YWHAQ: variants seen among roughly 807,000 people sequenced by gnomAD.
YWHAQ encodes the protein tyrosine 3-monooxygenase/tryptophan 5-monooxygenase activation protein theta.
A neutral mutation model predicts 28.3 loss-of-function variants in YWHAQ; 6 were observed. The ratio of observed to expected loss-of-function variants is 0.21; its 90% confidence interval spans 0.12 to 0.42. The LOEUF (loss-of-function observed/expected upper bound fraction) is 0.42, where lower values mean the gene tolerates loss of function less well. Ranked by LOEUF, YWHAQ falls within the 10% of genes least tolerant of loss-of-function variation. The pLI is 1.00. For missense variants in YWHAQ, 201 were observed against 305.6 expected (o/e 0.66, Z 2.55); for synonymous variants, 143 against 119.1 (o/e 1.20, Z -1.31).
At position 9,630,071 on chromosome 2, in the gene YWHAQ, C is replaced by T. The variant is rs904367772; in HGVS notation, c.294+88G>A. ...CCCCAGCAGACAGTCCGGCAAGCCC[C>T]GGCTCACGTTTGTTTCCGTGCCCGC... On this transcript the variant is annotated intron_variant, in intron 2 of 5. Transcript: ENST00000238081. The surrounding 1 kb of genome is among the most constrained non-coding windows in gnomAD (Gnocchi z 5.6). The T allele has an allele frequency of 8.5e-6, 13 of 1,526,264 alleles. No individual in the cohort carries two copies. The East Asian group carries it at 2.9e-4, about 35-fold the overall frequency. 94.5% of individuals were successfully genotyped at this position (1,526,264 alleles called of 1,614,324 possible).
At chr2:9,613,095 G>C (rs530786508) in intron 2 of YWHAQ, among the ~76,000 whole-genome samples, 1 of 152,266 alleles carries the variant, frequency 6.6e-6, no homozygotes, top group Non-Finnish European at 1.5e-5. Context: ...TACTCGTCTA[G>C]CACCCTACTA....
intron 2 of YWHAQ, among the ~76,000 whole-genome samples, chr2:9,619,409 A>G (rs954263417): frequency 1.3e-5 from 2 of 152,200 alleles, no homozygotes; most frequent in African/African-American, 4.8e-5. Context: ...AAACCCTAAC[A>G]ATAAATACAG....
Position 9,584,728 on chromosome 2 carries a change from G to T in YWHAQ, c.*558C>A, listed in dbSNP as rs1024091993. 3 of 152,792 alleles carry T rather than the reference G, an allele frequency of 2.0e-5. No individual in the cohort carries two copies. The highest frequency in any genetic ancestry group is 1.3e-4 in the Admixed American group (2 of 15,302). 9.5% of individuals were successfully genotyped at this position (152,792 alleles called of 1,614,324 possible). A position where few individuals can be genotyped will look rare whatever the true frequency, so the allele number is the denominator to read the frequency against. On this transcript the variant is annotated 3_prime_UTR_variant, in exon 6 of 6. Transcript: ENST00000238081. ...ACAGATACACAAGACCTCCGTATGT[G>T]ATACAGGAGCCATTTCAATTTGTGA...
intron 2 of YWHAQ, among the ~76,000 whole-genome samples, chr2:9,594,495 G>C (rs1393618697): frequency 6.6e-6 from 1 of 152,086 alleles, no homozygotes; most frequent in Non-Finnish European, 1.5e-5. Flanking sequence ...TAAATGAGTG[G>C]ATTCTGAGAA....
chr2:9,624,441 T>C (rs1476433111), intron 2 of YWHAQ, among the ~76,000 whole-genome samples: 1 of 152,036 alleles, frequency 6.6e-6, no homozygotes, highest in Non-Finnish European at 1.5e-5. Context: ...AAGGACAGCA[T>C]GACACAATCC....
chr2:9,599,591 A>C (rs1030678347), intron 2 of YWHAQ, among the ~76,000 whole-genome samples: 10 of 152,214 alleles, frequency 6.6e-5, no homozygotes, highest in Non-Finnish European at 1.3e-4. Flanking sequence ...TACAAATGGA[A>C]CAACCAACCA....
intron 2 of YWHAQ, among the ~76,000 whole-genome samples, chr2:9,629,485 C>T (rs372515566): frequency 3.6e-4 from 55 of 152,316 alleles, no homozygotes; most frequent in African/African-American, 1.3e-3. Flanking sequence ...CTTGTCTGCT[C>T]CACACTGGAA....
chr2:9,599,663 G>A (rs1477161090), intron 2 of YWHAQ, among the ~76,000 whole-genome samples: 1 of 152,120 alleles, frequency 6.6e-6, no homozygotes, highest in Non-Finnish European at 1.5e-5. Context: ...CCATTGTTGA[G>A]ACCTACTGCT....
intron 2 of YWHAQ, among the ~76,000 whole-genome samples, chr2:9,614,376 C>T (rs1201345517): frequency 6.6e-6 from 1 of 152,212 alleles, no homozygotes; most frequent in Non-Finnish European, 1.5e-5. Flanking sequence ...AATTTACTAG[C>T]ATCCACAAGC....
Position 9,630,546 on chromosome 2 carries a change from C to G in YWHAQ, c.-82-12G>C, listed in dbSNP as rs1441919378. 1 of 1,279,734 alleles carries G rather than the reference C, an allele frequency of 7.8e-7. No individual in the cohort carries two copies. Among genetic ancestry groups the G allele is most frequent in the Non-Finnish European group, 1.0e-6 (1 of 959,092 alleles). 79.3% of individuals were successfully genotyped at this position (1,279,734 alleles called of 1,614,324 possible). On this transcript the variant is annotated splice_polypyrimidine_tract_variant and intron_variant, in intron 1 of 5. Transcript: ENST00000238081. The surrounding 1 kb of genome is among the most constrained non-coding windows in gnomAD (Gnocchi z 5.6). Reference sequence around the variant, plus strand: ...AGGAGCCTCGAGAGCTGCGGAGGGGCGGGGCGGCGAGGCGAGAACAAAAAG... The same window carrying G: ...AGGAGCCTCGAGAGCTGCGGAGGGGGGGGGCGGCGAGGCGAGAACAAAAAG...
chr2:9,588,970 A>ATCTT lies in YWHAQ; in HGVS notation c.419-643_419-642insAAGA, dbSNP rs1553372129. Among the ~76,000 whole-genome samples the ATCTT allele has an allele frequency of 2.0e-4, 31 of 152,094 alleles. 1 individual carries two copies. Among genetic ancestry groups the ATCTT allele is most frequent in the Admixed American group, 3.9e-4 (6 of 15,280 alleles). On this transcript the variant is annotated intron_variant, in intron 3 of 5. Transcript: ENST00000238081. ...TCTCTACAAAAAATAATAATAATAA[A>ATCTT]AAATAGCTAGGCATGGTAGTGCGTG...
intron 3 of YWHAQ, among the ~76,000 whole-genome samples, chr2:9,589,603 T>C (rs1666417817): frequency 6.6e-6 from 1 of 152,102 alleles, no homozygotes. Flanking sequence ...ATAATAATAA[T>C]AATTTGACTG....
At chr2:9,619,953 A>G (rs560251008) in intron 2 of YWHAQ, among the ~76,000 whole-genome samples, 1 of 152,254 alleles carries the variant, frequency 6.6e-6, no homozygotes, top group Non-Finnish European at 1.5e-5. Flanking sequence ...GGAATGTACA[A>G]AACAAGAGGG....
chr2:9,617,523 C>T (rs528153268), intron 2 of YWHAQ, among the ~76,000 whole-genome samples: 3 of 152,024 alleles, frequency 2.0e-5, no homozygotes, highest in African/African-American at 7.3e-5. Context: ...GAGTTGCAGA[C>T]GATGGTTGCT....
chr2:9,607,426 C>A (rs529141341), intron 2 of YWHAQ, among the ~76,000 whole-genome samples: 2 of 150,078 alleles, frequency 1.3e-5, no homozygotes, highest in Non-Finnish European at 3.0e-5. Context: ...CTAGGCTAAT[C>A]TCGAACTCCT....
chr2:9,614,670 T>C (rs1049662846), intron 2 of YWHAQ, among the ~76,000 whole-genome samples: 5 of 152,240 alleles, frequency 3.3e-5, no homozygotes, highest in African/African-American at 7.2e-5. Context: ...AAATGGTTTA[T>C]ACTAGCAAGG....
chr2:9,624,576 G>A (rs1667211219), intron 2 of YWHAQ, among the ~76,000 whole-genome samples: 1 of 152,098 alleles, frequency 6.6e-6, no homozygotes, highest in South Asian at 2.1e-4. Context: ...ATGATGTTTA[G>A]TAGCATTCAG....
At chr2:9,617,361 A>G (rs1202169693) in intron 2 of YWHAQ, among the ~76,000 whole-genome samples, 1 of 152,226 alleles carries the variant, frequency 6.6e-6, no homozygotes, top group African/African-American at 2.4e-5. Context: ...GCAAAATGAA[A>G]TAAGCTAGAC....
chr2:9,630,310 T>C lies in YWHAQ; in HGVS notation c.143A>G (p.Tyr48Cys), dbSNP rs1667337478. Reference protein sequence around the residue: ...NEERNLLSVAYKNVVGGRRSA... With the variant: ...NEERNLLSVACKNVVGGRRSA... ...CCTGCGGCCCCCGACCACGTTCTTG[T>C]AGGCCACGGAGAGCAGGTTGCGCTC... Residue 48 changes from tyrosine (Y) to cysteine (C), a missense_variant, in exon 2 of 6, where the codon TAC (tyrosine) becomes TGC (cysteine). Tyr to Cys is a radical substitution (Grantham distance 194, BLOSUM62 -2). Around this residue, in one of 2 missense-constraint regions of YWHAQ, gnomAD observed 162 missense variants for 213.9 expected, o/e 0.76. Transcript: ENST00000238081. This position sits in a 1 kb window ranked among gnomAD's most constrained non-coding sequence, Gnocchi z 5.6. 6.2e-7 allele frequency: 1 copy of C among 1,614,130 alleles called. No homozygotes were observed. Among genetic ancestry groups the C allele is most frequent in the Non-Finnish European group, 8.5e-7 (1 of 1,180,034 alleles).
Sources: gnomAD v4.1 joint callset for allele counts (sites outside exome capture counted in the v4.1 genomes callset) on GRCh38, gnomAD v4.1.1 for gene constraint, gnomAD v4.1.1 regional missense constraint, Gnocchi (gnomAD v3.1) non-coding constraint, MANE v1.5 for transcripts, NCBI Gene and HGNC (gene_info 2026-07-23, HGNC 2026-07-21) for gene names.